The following EPHB1 variants were observed in gnomAD, a reference collection of about 807,000 sequenced individuals.
EPHB1 encodes the protein EPH receptor B1.
Under a neutral mutation model 94.4 loss-of-function variants are expected in EPHB1, and 30 were observed. The ratio of observed to expected loss-of-function variants is 0.32; its 90% CI spans 0.24 to 0.43. The LOEUF is 0.43. EPHB1 is among the 20% of genes least tolerant of loss of function. The pLI is 1.00. For synonymous variants in EPHB1, 522 were observed against 489.1 expected (o/e 1.07, Z -0.89); for missense variants, 1,055 against 1,308.3 (o/e 0.81, Z 2.99).
chr3:135,103,416 C>T (rs1939100566), intron 3 of EPHB1, among the ~76,000 whole-genome samples: 1 of 152,124 alleles, frequency 6.6e-6, no homozygotes, highest in Admixed American at 6.5e-5. Flanking sequence ...TATATTCTGA[C>T]CCTGAATTCT....
At chr3:134,822,150 G>A (rs1019419077) in intron 1 of EPHB1, among the ~76,000 whole-genome samples, 47 of 152,146 alleles carry the variant, frequency 3.1e-4, no homozygotes, top group African/African-American at 1.1e-3. Context: ...TGGCAAAGAC[G>A]TCCCCTTCCC....
intron 1 of EPHB1, among the ~76,000 whole-genome samples, chr3:134,831,381 G>A: frequency 6.6e-6 from 1 of 152,182 alleles, no homozygotes; most frequent in Admixed American, 6.5e-5. Context: ...GGCAGACTTA[G>A]GAACCAGCAG....
intron 3 of EPHB1, among the ~76,000 whole-genome samples, chr3:134,977,033 T>C (rs76424148): frequency 0.013 from 1,992 of 152,326 alleles, 40 homozygotes; most frequent in African/African-American, 0.045. Context: ...GAAATTTCCT[T>C]GAGGATGTTT....
intron 1 of EPHB1, among the ~76,000 whole-genome samples, chr3:134,798,881 C>T (rs35910633): frequency 0.042 from 6,328 of 152,286 alleles, 174 homozygotes; most frequent in Middle Eastern, 0.078. Flanking sequence ...ATTCTCCCAA[C>T]CCCACTCCCT....
At chr3:134,978,378 T>C (rs1934273298) in intron 3 of EPHB1, among the ~76,000 whole-genome samples, 1 of 152,172 alleles carries the variant, frequency 6.6e-6, no homozygotes, top group Non-Finnish European at 1.5e-5. Flanking sequence ...GATGTCTTCA[T>C]TACTCCCATA....
intron 3 of EPHB1, among the ~76,000 whole-genome samples, chr3:135,006,564 A>C (rs1171118540): frequency 1.3e-5 from 2 of 152,250 alleles, no homozygotes; most frequent in African/African-American, 4.8e-5. Flanking sequence ...GCAAAGTAGC[A>C]TATACCTGTA....
chr3:135,072,372 A>G (rs909111105), intron 3 of EPHB1, among the ~76,000 whole-genome samples: 1 of 152,192 alleles, frequency 6.6e-6, no homozygotes, highest in African/African-American at 2.4e-5. Context: ...TGACAGAGTG[A>G]GACTCCATCT....
chr3:135,020,067 C>T (rs1399452107), intron 3 of EPHB1, among the ~76,000 whole-genome samples: 1 of 152,230 alleles, frequency 6.6e-6, no homozygotes, highest in African/African-American at 2.4e-5. Context: ...CCTCTGCTAA[C>T]TTGGTACAAC....
chr3:135,171,733 T>A (rs1288720110), intron 9 of EPHB1, among the ~76,000 whole-genome samples: 1 of 152,230 alleles, frequency 6.6e-6, no homozygotes, highest in Non-Finnish European at 1.5e-5. Context: ...ATCCAAGCAA[T>A]GTTATTGATG....
chr3:135,164,960 C>A (rs1941611825), intron 7 of EPHB1, among the ~76,000 whole-genome samples: 1 of 152,060 alleles, frequency 6.6e-6, no homozygotes, highest in African/African-American at 2.4e-5. Flanking sequence ...ATACTAAAAC[C>A]TTTTTCATTA....
chr3:134,816,504 C>T (rs1021795470), intron 1 of EPHB1, among the ~76,000 whole-genome samples: 6 of 152,100 alleles, frequency 3.9e-5, no homozygotes, highest in African/African-American at 7.2e-5. Context: ...TCTGTGTGTT[C>T]GTCCCGTAAG....
chr3:135,030,221 G>A (rs12631533), intron 3 of EPHB1, among the ~76,000 whole-genome samples: 47,908 of 151,920 alleles, frequency 0.32, 8,093 homozygotes, highest in East Asian at 0.71. Context: ...TCTTCTCTCA[G>A]CTCGTCAAAG....
chr3:135,174,158 GC>G (rs1173751664), intron 9 of EPHB1, among the ~76,000 whole-genome samples: 1 of 152,130 alleles, frequency 6.6e-6, no homozygotes, highest in Non-Finnish European at 1.5e-5. Context: ...AGCAAGATGA[GC>G]CCCCCGATGC....
chr3:134,910,151 G>A (rs1236572956), intron 1 of EPHB1, among the ~76,000 whole-genome samples: 1 of 152,192 alleles, frequency 6.6e-6, no homozygotes, highest in Non-Finnish European at 1.5e-5. Context: ...TTGTGATGTG[G>A]AAGTTATCTA....
intron 12 of EPHB1, 38 bp downstream of exon 12, chr3:135,201,727 A>G (rs1226160977): frequency 1.9e-6 from 3 of 1,597,524 alleles, no homozygotes; most frequent in Middle Eastern, 1.7e-4. Flanking sequence ...GAAGCATGGC[A>G]TGAGTTAAAG....
At chr3:135,220,260 G>T (rs1355855441) in intron 12 of EPHB1, among the ~76,000 whole-genome samples, 1 of 152,196 alleles carries the variant, frequency 6.6e-6, no homozygotes, top group Non-Finnish European at 1.5e-5. Context: ...ATCAAAGGCT[G>T]CTCTGCGGAT....
intron 1 of EPHB1, among the ~76,000 whole-genome samples, chr3:134,882,671 T>TC (rs1427606207): frequency 6.6e-6 from 1 of 151,628 alleles, no homozygotes; most frequent in Non-Finnish European, 1.5e-5. Context: ...CTTCCTTCCT[T>TC]CCTTCCTTCT....
intron 1 of EPHB1, among the ~76,000 whole-genome samples, chr3:134,887,026 T>C (rs983197911): frequency 1.1e-4 from 16 of 152,202 alleles, no homozygotes; most frequent in Admixed American, 1.0e-3. Flanking sequence ...GGTTCTCCAT[T>C]GCTGGGCAAC....
intron 3 of EPHB1, among the ~76,000 whole-genome samples, chr3:135,052,880 A>AT (rs1937210600): frequency 9.0e-6 from 1 of 110,716 alleles, no homozygotes; most frequent in Non-Finnish European, 1.7e-5. Context: ...AAAAAAAAAA[A>AT]AAAAAAAAAA....
Sources: gnomAD v4.1 joint callset for allele counts (sites outside exome capture counted in the v4.1 genomes callset) on GRCh38, gnomAD v4.1.1 for gene constraint, MANE v1.5 for transcripts, NCBI Gene and HGNC (gene_info 2026-07-23, HGNC 2026-07-21) for gene names.